The following NCAPH2 variants were observed in gnomAD, a reference collection of about 807,000 sequenced individuals.
The protein encoded by NCAPH2 is condensin-2 complex subunit H2.
A neutral mutation model predicts 88.6 loss-of-function variants in NCAPH2; 56 were observed. The observed-to-expected ratio is 0.63, with a 90% CI of 0.51 to 0.79. The LOEUF (loss-of-function observed/expected upper bound fraction) is 0.79. NCAPH2 is among the 30% of genes least tolerant of loss of function. The pLI is 0.00. For missense variants in NCAPH2, 794 were observed against 792.0 expected, an observed-to-expected ratio of 1.00 and a Z score of -0.03; for synonymous variants, 378 against 313.6, an observed-to-expected ratio of 1.21 and a Z score of -2.17.
At chr22:50,508,494 C>CGGG in intron 1 of NCAPH2, 49 bp downstream of exon 1, 11 of 275,372 alleles carry the variant, frequency 4.0e-5, no homozygotes, top group Non-Finnish European at 6.2e-5. Flanking sequence ...GGTGGGGCTG[C>CGGG]GGGGCGGGGG....
Position 50,518,713 on chromosome 22 carries a change from C to G in NCAPH2, c.711C>G (p.Leu237=), listed in dbSNP as rs774011340. ...VSVCRSPVPA[L]GFSQEPGPSP... is the part of the protein sequence containing the mutation. ...TGTGCAGGAGCCCTGTCCCAGCACT[C>G]GGCTTCTCCCAGGAGCCAGGTGAGA... The change falls in exon 8 of 20, where the codon CTC becomes CTG. Residue 237 remains leucine, a synonymous_variant. Transcript: ENST00000420993. 2 of 1,606,906 alleles carry G rather than the reference C, an allele frequency of 1.2e-6. No individual in the cohort carries two copies. Among genetic ancestry groups the G allele is most frequent in the South Asian group, 2.2e-5 (2 of 89,562 alleles).
chr22:50,522,694 T>C lies in NCAPH2; in HGVS notation c.1399T>C (p.Tyr467His). The C allele has an allele frequency of 6.2e-7, 1 of 1,613,506 alleles. No individual in the cohort carries two copies. Among genetic ancestry groups the C allele is most frequent in the South Asian group, 1.1e-5 (1 of 91,072 alleles). The change falls in exon 17 of 20, where the codon TAC becomes CAC. Residue 467 changes from tyrosine (Y) to histidine (H), a missense_variant. Physicochemically the swap from Tyr to His is moderately conservative, Grantham distance 83. This residue lies in a region of NCAPH2 where 735 missense variants were observed against 696.3 expected (regional missense o/e 1.06). Coordinates refer to ENST00000420993, the MANE Select transcript of NCAPH2 (RefSeq NM_152299.4). ...DLDAVPMSLS[Y>H]EELVRRNVEL... ...AGACGCAGTGCCGATGTCCCTGAGC[T>C]ACGAGGAGCTGGTTCGAAGGAATGT...
chr22:50,508,566 G>T (rs1276144063), intron 1 of NCAPH2, 121 bp downstream of exon 1: 4 of 633,892 alleles, frequency 6.3e-6, no homozygotes, highest in Non-Finnish European at 7.2e-6. Flanking sequence ...TGGCGCTCTG[G>T]CCGCGCAGGT....
In NCAPH2 at chr22:50,517,775, C is replaced by G. The variant is rs1367285413; in HGVS notation, c.386C>G (p.Thr129Ser). The change falls in exon 5 of 20, where the codon ACT (threonine) becomes AGT (serine). Residue 129 changes from threonine (T) to serine (S), a missense_variant. Coordinates refer to ENST00000420993, the MANE Select transcript of NCAPH2 (RefSeq NM_152299.4). ...CTGGATGACTTCCCTGACTCCCGGA[C>G]TAACGTGGATCTCAAGAATGATCAG... The part of the protein sequence containing the change: ...LSLDDFPDSR[T>S]NVDLKNDQTP... The G allele has an allele frequency of 6.2e-7, 1 of 1,614,008 alleles. No individual in the cohort carries two copies. The highest frequency in any genetic ancestry group is 8.5e-7 in the Non-Finnish European group (1 of 1,180,044).
intron 1 of NCAPH2, among the ~76,000 whole-genome samples, chr22:50,516,045 C>T (rs746752151): frequency 6.6e-6 from 1 of 152,094 alleles, no homozygotes; most frequent in Admixed American, 6.6e-5. Flanking sequence ...TAACTGTTTC[C>T]TGAGTTCTCT....
chr22:50,513,815 A>G (rs6010132), intron 1 of NCAPH2, among the ~76,000 whole-genome samples: 15,328 of 152,062 alleles, frequency 0.1, 2,544 homozygotes, highest in African/African-American at 0.35. Flanking sequence ...AGAAACTTAT[A>G]AGGGATTTGA....
rs778022880 is a variant in NCAPH2, at chr22:50,524,013, G to A, written c.*638G>A. 7 of 1,613,418 alleles carry A rather than the reference G, an allele frequency of 4.3e-6. No homozygotes were observed. The highest frequency in any genetic ancestry group is 1.7e-4 in the Middle Eastern group (1 of 6,060). On this transcript the variant is annotated 3_prime_UTR_variant, in exon 20 of 20. Transcript: ENST00000420993. ...CCAGCTCGTCTGGGCAGATGTCAGG[G>A]CAGTGAGTGAAGCCAAAGTACATCA...
chr22:50,519,692 T>A, intron 9 of NCAPH2: 4 of 1,102,150 alleles, frequency 3.6e-6, no homozygotes, highest in Non-Finnish European at 4.4e-6. Context: ...CGGGGTCAAC[T>A]GTACCCAGCC....
chr22:50,524,512 T>C lies in NCAPH2; in HGVS notation c.*1137T>C, dbSNP rs1287607639. 2 of 1,225,546 alleles carry C rather than the reference T, an allele frequency of 1.6e-6. No individual in the cohort carries two copies. Among genetic ancestry groups the C allele is most frequent in the Non-Finnish European group, 2.4e-6 (2 of 846,256 alleles). 75.9% of individuals were successfully genotyped at this position (1,225,546 alleles called of 1,614,324 possible). ...CCTGCGACTTGAGACCAGCCACCCA[T>C]CTGAAGGACCCAGCCCACGTTCAGG... On this transcript the variant is annotated 3_prime_UTR_variant, in exon 20 of 20. Transcript: ENST00000420993.
rs143114125 is a variant in NCAPH2, at chr22:50,518,247, G to A, written c.615G>A (p.Ala205=). 2,064 of 1,613,734 alleles carry A rather than the reference G, an allele frequency of 1.3e-3. 4 individuals are homozygous for A. Among genetic ancestry groups the A allele is most frequent in the Non-Finnish European group, 1.5e-3 (1,738 of 1,180,008 alleles). Residue 205 remains alanine, a synonymous_variant, in exon 7 of 20, where the codon GCG becomes GCA. Coordinates refer to ENST00000420993, the MANE Select transcript of NCAPH2 (RefSeq NM_152299.4). ...EPEGMSPMEP[A]GVSPMPGTQK... Reference sequence around the variant, plus strand: ...AGGGCATGTCCCCCATGGAACCAGCGGGCGTTTCCCCCATGCCAGGGACCC... The same window carrying A: ...AGGGCATGTCCCCCATGGAACCAGCAGGCGTTTCCCCCATGCCAGGGACCC...
chr22:50,509,953 C>T (rs368672063), intron 1 of NCAPH2, among the ~76,000 whole-genome samples: 9 of 152,110 alleles, frequency 5.9e-5, no homozygotes, highest in African/African-American at 1.4e-4. Flanking sequence ...TATTTTGAGA[C>T]GGAGTCTCAC....
intron 2 of NCAPH2, among the ~76,000 whole-genome samples, chr22:50,517,003 C>A (rs2068942737): frequency 6.6e-6 from 1 of 152,198 alleles, no homozygotes; most frequent in Non-Finnish European, 1.5e-5. Context: ...CAGGGCAGGG[C>A]CAGGACAGGA....
intron 1 of NCAPH2, among the ~76,000 whole-genome samples, chr22:50,509,371 G>A (rs2068723247): frequency 6.6e-6 from 1 of 152,002 alleles, no homozygotes; most frequent in Admixed American, 6.6e-5. Flanking sequence ...CATATTTAAA[G>A]TGGAACTCTT....
chr22:50,523,011 G>C lies in NCAPH2; in HGVS notation c.1528-6G>C. 6.2e-7 allele frequency: 1 copy of C among 1,603,710 alleles called. No homozygotes were observed. Among genetic ancestry groups the C allele is most frequent in the Non-Finnish European group, 8.5e-7 (1 of 1,173,504 alleles). The stretch of plus-strand genomic sequence containing the variant: ...TCCGCAGCCAACATGCCCCTCCCCT[G>C]TGCAGGAGCAGCATGTGCCCTTTGA... On this transcript the variant is annotated splice_region_variant and splice_polypyrimidine_tract_variant and intron_variant, in intron 18 of 19. Coordinates refer to ENST00000420993, the MANE Select transcript of NCAPH2 (RefSeq NM_152299.4).
intron 4 of NCAPH2, 29 bp from the exon 5 acceptor site, chr22:50,517,712 C>G (rs1401790277): frequency 6.2e-7 from 1 of 1,613,952 alleles, no homozygotes; most frequent in African/African-American, 1.3e-5. Context: ...TGCCTGGGCT[C>G]CGCCCCCACG....
Position 50,517,598 on chromosome 22 carries a change from G to A in NCAPH2, c.288G>A (p.Ser96=), listed in dbSNP as rs374607010. 7.1e-5 allele frequency: 115 copies of A among 1,613,952 alleles called. No individual in the cohort carries two copies. Among genetic ancestry groups the A allele is most frequent in the East Asian group, 2.0e-4 (9 of 44,894 alleles). The change falls in exon 4 of 20, where the codon TCG becomes TCA. Residue 96 remains serine (S), a synonymous_variant. Transcript: ENST00000420993. The part of the protein sequence containing the change: ...SGKRRAKQLS[S]VQEDRANGVA... ...TCAGGCGGGCCAAGCAGCTCTCTTC[G>A]GTGCAGGAGGACAGGGCCAATGGGG...
chr22:50,523,838 T>G lies in NCAPH2; in HGVS notation c.*463T>G. The G allele has an allele frequency of 6.2e-7, 1 of 1,613,970 alleles. No homozygotes were observed. Among genetic ancestry groups the G allele is most frequent in the Non-Finnish European group, 8.5e-7 (1 of 1,180,010 alleles). ...TGGGCAACCTGTTTGGTGGAGCCGGTCAGACCCAACAGTCTTGGGTGGAAG... is the reference window on the plus strand; with the variant it reads ...TGGGCAACCTGTTTGGTGGAGCCGGGCAGACCCAACAGTCTTGGGTGGAAG... On this transcript the variant is annotated 3_prime_UTR_variant, in exon 20 of 20. Transcript: ENST00000420993.
At chr22:50,514,457 T>C (rs2068863755) in intron 1 of NCAPH2, among the ~76,000 whole-genome samples, 1 of 152,080 alleles carries the variant, frequency 6.6e-6, no homozygotes, top group Non-Finnish European at 1.5e-5. Flanking sequence ...ATGCATTCAG[T>C]ATGAATCTTG....
At position 50,522,203 on chromosome 22, in the gene NCAPH2, A is replaced by G. The variant is rs140202545; in HGVS notation, c.1185A>G (p.Thr395=). ...CAGACATGGAGGTCCTGTACTGGACACACGTGAAGGAGCAGTTGGAAACTC... is the reference window on the plus strand; with the variant it reads ...CAGACATGGAGGTCCTGTACTGGACGCACGTGAAGGAGCAGTTGGAAACTC... The part of the protein sequence containing the change: ...SFADMEVLYW[T]HVKEQLETLR... Residue 395 remains threonine (T), a synonymous_variant, in exon 14 of 20, where the codon ACA becomes ACG. Coordinates refer to ENST00000420993, the MANE Select transcript of NCAPH2 (RefSeq NM_152299.4). The G allele has an allele frequency of 5.0e-5, 81 of 1,613,634 alleles. No homozygotes were observed. In the African/African-American group the frequency reaches 9.9e-4, roughly 20 times the overall value.
Sources: gnomAD v4.1 joint callset for allele counts (sites outside exome capture counted in the v4.1 genomes callset) on GRCh38, gnomAD v4.1.1 for gene constraint, gnomAD v4.1.1 regional missense constraint, MANE v1.5 for transcripts, NCBI Gene and HGNC (gene_info 2026-07-23, HGNC 2026-07-21) for gene names.